The following ACACA variants were observed in gnomAD, a reference collection of about 807,000 sequenced individuals.
ACACA encodes the protein acetyl-CoA carboxylase 1.
ACACA carries 103 observed loss-of-function variants against 296.1 expected under a neutral mutation model. That is an observed-to-expected ratio of 0.35 (90% CI 0.30 to 0.41). The LOEUF (loss-of-function observed/expected upper bound fraction) is 0.41. ACACA is among the 10% of genes least tolerant of loss of function. The probability of loss-of-function intolerance (pLI) is 1.00; values close to 1 mark genes in which losing one functional copy is unlikely to be tolerated. For synonymous variants in ACACA, 953 were observed against 1,038.6 expected (o/e 0.92, Z 1.58); for missense variants, 1,554 against 2,989.7 (o/e 0.52, Z 11.20).
chr17:37,389,019 T>C (rs2050673735), intron 1 of ACACA, among the ~76,000 whole-genome samples: 1 of 152,052 alleles, frequency 6.6e-6, no homozygotes, highest in Admixed American at 6.6e-5. Flanking sequence ...ATGGTAGTTA[T>C]AAAGATTGAG....
chr17:37,229,380 T>C (rs572650828), intron 25 of ACACA, among the ~76,000 whole-genome samples: 15 of 151,968 alleles, frequency 9.9e-5, no homozygotes, highest in African/African-American at 2.6e-4. Context: ...CTTGGCTCAC[T>C]GCAAGCTCCG....
At chr17:37,219,181 A>G (rs903533188) in intron 29 of ACACA, among the ~76,000 whole-genome samples, 5 of 152,134 alleles carry the variant, frequency 3.3e-5, no homozygotes, top group Non-Finnish European at 7.4e-5. Flanking sequence ...CTACGTAATG[A>G]AGCCCTGATT....
intron 3 of ACACA, among the ~76,000 whole-genome samples, chr17:37,291,181 T>TGTTTTA (rs1239069025): frequency 9.3e-6 from 1 of 107,134 alleles, no homozygotes; most frequent in African/African-American, 4.4e-5. Context: ...TCATAATATT[T>TGTTTTA]GTTTTTGTTT....
chr17:37,362,030 C>T (rs1339013549), intron 1 of ACACA, among the ~76,000 whole-genome samples: 1 of 152,062 alleles, frequency 6.6e-6, no homozygotes. Context: ...AAGGGTGGGC[C>T]CTAATCCAGT....
At chr17:37,150,016 T>G (rs1284131182) in intron 44 of ACACA, 42 bp from the exon 45 acceptor site, 1 of 1,560,992 alleles carries the variant, frequency 6.4e-7, no homozygotes, top group Admixed American at 1.7e-5. Context: ...ATTTATGTCC[T>G]CTCTGAAGCT....
chr17:37,204,553 T>C (rs891550702), intron 33 of ACACA, among the ~76,000 whole-genome samples: 1 of 152,186 alleles, frequency 6.6e-6, no homozygotes, highest in Non-Finnish European at 1.5e-5. Flanking sequence ...AAAGGCATTA[T>C]TATTGCTAAT....
intron 3 of ACACA, among the ~76,000 whole-genome samples, chr17:37,300,702 T>G (rs556112474): frequency 6.6e-6 from 1 of 152,178 alleles, no homozygotes; most frequent in South Asian, 2.1e-4. Flanking sequence ...ACTTAAGTTG[T>G]AAAGACTCAA....
intron 1 of ACACA, among the ~76,000 whole-genome samples, chr17:37,362,662 C>G (rs916602926): frequency 6.6e-6 from 1 of 152,162 alleles, no homozygotes; most frequent in Non-Finnish European, 1.5e-5. Flanking sequence ...GTCCCACTAA[C>G]CACCTGATGA....
intron 3 of ACACA, chr17:37,299,405 CCTGTTGCAGCTG>C: frequency 6.2e-7 from 1 of 1,611,414 alleles, no homozygotes; most frequent in Non-Finnish European, 8.5e-7. Flanking sequence ...AGTTCCTCCT[CCTGTTGCAGCTG>C]CTTAAAACCC....
chr17:37,280,730 A>AACACACACACACACACAC (rs71979048), intron 5 of ACACA, among the ~76,000 whole-genome samples: 5 of 146,374 alleles, frequency 3.4e-5, no homozygotes, highest in East Asian at 4.1e-4. Context: ...TTACATAGTT[A>AACACACACACACACACAC]ACACACACAC....
At chr17:37,194,331 A>C (rs2077894055) in intron 35 of ACACA, among the ~76,000 whole-genome samples, 1 of 152,142 alleles carries the variant, frequency 6.6e-6, no homozygotes, top group Non-Finnish European at 1.5e-5. Flanking sequence ...AGGAAATGTG[A>C]AGGAAACATG....
At chr17:37,308,505 C>T (rs192363963) in intron 3 of ACACA, among the ~76,000 whole-genome samples, 1 of 152,224 alleles carries the variant, frequency 6.6e-6, no homozygotes, top group East Asian at 1.9e-4. Context: ...CATATTATTA[C>T]AAACTTTATG....
intron 3 of ACACA, 66 bp from the exon 4 acceptor site, chr17:37,285,036 T>C: frequency 1.3e-6 from 2 of 1,586,088 alleles, no homozygotes; most frequent in Non-Finnish European, 1.7e-6. Flanking sequence ...TTCACTACCA[T>C]ACCCATAACA....
chr17:37,144,747 C>CT (rs2075740486), intron 45 of ACACA, among the ~76,000 whole-genome samples: 2 of 152,120 alleles, frequency 1.3e-5, no homozygotes, highest in African/African-American at 4.8e-5. Context: ...CACATAACTT[C>CT]TTTTTTCCTG....
chr17:37,224,594 C>T (rs2079450488), intron 27 of ACACA, among the ~76,000 whole-genome samples: 1 of 151,886 alleles, frequency 6.6e-6, no homozygotes, highest in African/African-American at 2.4e-5. Flanking sequence ...AGAAGAGTAA[C>T]AACTACCTAT....
chr17:37,241,935 G>C lies in ACACA; in HGVS notation c.3032+18C>G. On this transcript the variant is annotated intron_variant, in intron 23 of 55. Transcript: ENST00000616317. ...TGAGTATGGACAGGTCTGGGAATCT[G>C]GAGTTACAAGTTACTACCTCTGTAC... The C allele has an allele frequency of 1.9e-6, 3 of 1,595,932 alleles. No homozygotes were observed. The South Asian group carries it at 3.3e-5, about 18-fold the overall frequency.
chr17:37,379,273 G>T, intron 1 of ACACA: 1 of 1,613,978 alleles, frequency 6.2e-7, no homozygotes, highest in South Asian at 1.1e-5. Flanking sequence ...AGCATATTTT[G>T]AAGAACCTGA....
chr17:37,296,878 G>A (rs1208249695), intron 3 of ACACA, among the ~76,000 whole-genome samples: 1 of 150,978 alleles, frequency 6.6e-6, no homozygotes, highest in Non-Finnish European at 1.5e-5. Context: ...CACCACACCC[G>A]GCTAATTTTT....
At chr17:37,200,369 A>G (rs2078190202) in intron 34 of ACACA, 58 bp downstream of exon 34, 3 of 1,505,214 alleles carry the variant, frequency 2.0e-6, no homozygotes, top group Admixed American at 3.3e-5. Context: ...TCCCATTTTT[A>G]TTAAGTTGTA....
Sources: gnomAD v4.1 joint callset for allele counts (sites outside exome capture counted in the v4.1 genomes callset) on GRCh38, gnomAD v4.1.1 for gene constraint, MANE v1.5 for transcripts, NCBI Gene and HGNC (gene_info 2026-07-23, HGNC 2026-07-21) for gene names.